ANXA10: variants seen among roughly 807,000 people sequenced by gnomAD.
ANXA10 encodes annexin 14.
A neutral mutation model predicts 53.5 loss-of-function variants in ANXA10; 49 were observed. The ratio of observed to expected loss-of-function variants is 0.92; its 90% CI spans 0.73 to 1.16. The LOEUF is 1.16. ANXA10 is among the 50% of genes most tolerant of loss of function. The pLI is 0.00. For missense variants in ANXA10, 393 were observed against 394.4 expected, an observed-to-expected ratio of 1.00 and a Z score of 0.03; for synonymous variants, 131 against 128.9, an observed-to-expected ratio of 1.02 and a Z score of -0.11.
intron 6 of ANXA10, among the ~76,000 whole-genome samples, chr4:168,169,306 AAC>A (rs1477899401): frequency 6.6e-6 from 1 of 152,238 alleles, no homozygotes; most frequent in Non-Finnish European, 1.5e-5. Flanking sequence ...AAATTAAAGC[AAC>A]AGTTTCCACT....
chr4:168,141,900 G>A (rs754159851), intron 3 of ANXA10, among the ~76,000 whole-genome samples: 1 of 152,054 alleles, frequency 6.6e-6, no homozygotes. Flanking sequence ...GGTTTGTGGG[G>A]CCCTCCCTTA....
Position 168,165,268 on chromosome 4 carries a change from A to G in ANXA10, c.422A>G (p.Glu141Gly), listed in dbSNP as rs1452597734. Residue 141 changes from glutamate to glycine, a missense_variant, in exon 6 of 12, where the codon GAG (glutamate) becomes GGG (glycine). Transcript: ENST00000359299. ...ACAGAATACAGCAATAACCTCCAAG[A>G]GGACATTTATTCAGAGACCTCAGGA... ...YCLQYSNNLQ[E>G]DIYSETSGHF... 1.3e-6 allele frequency: 2 copies of G among 1,592,074 alleles called. No homozygotes were observed. Among genetic ancestry groups the G allele is most frequent in the Admixed American group, 3.4e-5 (2 of 58,680 alleles).
chr4:168,160,098 C>T (rs922125520), intron 3 of ANXA10, among the ~76,000 whole-genome samples: 3 of 152,114 alleles, frequency 2.0e-5, no homozygotes, highest in Admixed American at 1.3e-4. Context: ...GCAGAATATG[C>T]AGGTTTATTT....
intron 1 of ANXA10, among the ~76,000 whole-genome samples, chr4:168,121,919 C>T (rs1730991965): frequency 1.3e-5 from 2 of 152,190 alleles, no homozygotes; most frequent in Admixed American, 6.5e-5. Flanking sequence ...TCTCCACTCA[C>T]GGCAACCTCC....
chr4:168,165,557 ATCTAT>A (rs1243924488), intron 6 of ANXA10, among the ~76,000 whole-genome samples: 2 of 152,164 alleles, frequency 1.3e-5, no homozygotes, highest in Admixed American at 1.3e-4. Flanking sequence ...AAAATTAAAA[ATCTAT>A]TCTAAAGAGA....
intron 1 of ANXA10, among the ~76,000 whole-genome samples, chr4:168,105,437 G>A (rs1730705304): frequency 6.6e-6 from 1 of 152,044 alleles, no homozygotes; most frequent in South Asian, 2.1e-4. Flanking sequence ...TTTCTGCAAA[G>A]CACACAATTT....
At chr4:168,155,836 C>CATATATGATATATGATATATTATATATT (rs1578922176) in intron 3 of ANXA10, among the ~76,000 whole-genome samples, 1 of 7,270 alleles carries the variant, frequency 1.4e-4, no homozygotes, top group Admixed American at 3.0e-3. Flanking sequence ...TATGATATAT[C>CATATATGATATATGATATATTATATATT]ATATATAATA....
rs192693384 is a variant in ANXA10, at chr4:168,186,235, T to G, written c.907-1131T>G. Among the ~76,000 whole-genome samples the G allele has an allele frequency of 2.6e-5, 4 of 152,364 alleles. No individual in the cohort carries two copies. The East Asian group carries it at 7.7e-4, about 29-fold the overall frequency. ...GTTGATACTTAACAAAGAAACATTTTATAATATTTATTTACTACTATCATT... is the reference window on the plus strand; with the variant it reads ...GTTGATACTTAACAAAGAAACATTTGATAATATTTATTTACTACTATCATT... On this transcript the variant is annotated intron_variant, in intron 11 of 11. Coordinates refer to ENST00000359299, the MANE Select transcript of ANXA10 (RefSeq NM_007193.5).
At chr4:168,157,412 C>T (rs12715835) in intron 3 of ANXA10, among the ~76,000 whole-genome samples, 76,530 of 151,784 alleles carry the variant, frequency 0.5, 19,701 homozygotes, top group Non-Finnish European at 0.53. Context: ...GGATTACAGG[C>T]GCCTGCCACC....
intron 1 of ANXA10, among the ~76,000 whole-genome samples, chr4:168,093,951 G>A (rs1730502590): frequency 6.6e-6 from 1 of 152,034 alleles, no homozygotes; most frequent in South Asian, 2.1e-4. Context: ...TTTATTAATT[G>A]TAAGGTGGTT....
At chr4:168,134,861 T>C (rs1195162229) in intron 2 of ANXA10, among the ~76,000 whole-genome samples, 1 of 152,216 alleles carries the variant, frequency 6.6e-6, no homozygotes, top group African/African-American at 2.4e-5. Context: ...GTCATCTATG[T>C]TAATTCTTAA....
At chr4:168,158,676 C>G (rs556722764) in intron 3 of ANXA10, among the ~76,000 whole-genome samples, 1 of 152,178 alleles carries the variant, frequency 6.6e-6, no homozygotes, top group Non-Finnish European at 1.5e-5. Flanking sequence ...ATCCTCTTCC[C>G]TGTAGAAATT....
At chr4:168,097,907 A>G (rs765591806) in intron 1 of ANXA10, among the ~76,000 whole-genome samples, 79 of 152,142 alleles carry the variant, frequency 5.2e-4, no homozygotes, top group Non-Finnish European at 1.8e-4. Context: ...TAGCTAGAAA[A>G]ATAAGAAGAC....
chr4:168,097,216 C>T (rs148711180), intron 1 of ANXA10, among the ~76,000 whole-genome samples: 148 of 152,086 alleles, frequency 9.7e-4, no homozygotes, highest in Non-Finnish European at 2.9e-4. Context: ...TCAATTCTCT[C>T]CGTATCCATT....
intron 1 of ANXA10, chr4:168,127,723 G>A (rs58814757): frequency 0.023 from 10,653 of 468,278 alleles, 972 homozygotes; most frequent in African/African-American, 0.2. Context: ...CAAGTAAGGC[G>A]TTTGTTTAAC....
intron 3 of ANXA10, among the ~76,000 whole-genome samples, chr4:168,157,179 C>A (rs778162045): frequency 1.2e-4 from 19 of 152,050 alleles, no homozygotes; most frequent in Non-Finnish European, 2.6e-4. Flanking sequence ...TAAAAATTCA[C>A]AATATTGAGT....
At chr4:168,159,532 G>A (rs1425723242) in intron 3 of ANXA10, among the ~76,000 whole-genome samples, 1 of 152,092 alleles carries the variant, frequency 6.6e-6, no homozygotes, top group Non-Finnish European at 1.5e-5. Flanking sequence ...GAGATAGGCG[G>A]GAGCATTAAC....
intron 3 of ANXA10, 38 bp downstream of exon 3, chr4:168,139,618 C>G: frequency 6.7e-7 from 1 of 1,488,194 alleles, no homozygotes; most frequent in Non-Finnish European, 9.3e-7. Flanking sequence ...CTAGGGCAAT[C>G]TCTTGAGAAC....
At chr4:168,148,635 T>C (rs1474103709) in intron 3 of ANXA10, among the ~76,000 whole-genome samples, 3 of 152,182 alleles carry the variant, frequency 2.0e-5, no homozygotes, top group African/African-American at 7.2e-5. Context: ...TCCACCTTGT[T>C]TTATACTCCC....
Sources: gnomAD v4.1 joint callset for allele counts (sites outside exome capture counted in the v4.1 genomes callset) on GRCh38, gnomAD v4.1.1 for gene constraint, MANE v1.5 for transcripts, NCBI Gene and HGNC (gene_info 2026-07-23, HGNC 2026-07-21) for gene names.